Variants in CACNA1B observed in about 807,000 individuals in gnomAD.
The protein encoded by CACNA1B is calcium voltage-gated channel subunit alpha1 B.
In CACNA1B, 70 loss-of-function variants were observed where a neutral mutation model predicts 247.2. The observed-to-expected ratio is 0.28, with a 90% CI of 0.23 to 0.35. The LOEUF is 0.35. Among genes scored for constraint, CACNA1B ranks in the 10% least tolerant of loss-of-function variants. CACNA1B has a pLI of 1.00. For synonymous variants in CACNA1B, 1,231 were observed against 1,294.4 expected, an observed-to-expected ratio of 0.95 and a Z score of 1.05; for missense variants, 2,367 against 3,197.4, an observed-to-expected ratio of 0.74 and a Z score of 6.26.
Position 137,957,494 on chromosome 9 carries a change from G to A in CACNA1B, c.1244-104G>A, listed in dbSNP as rs555900465. On this transcript the variant is annotated intron_variant, in intron 9 of 46. Coordinates refer to ENST00000371372, the MANE Select transcript of CACNA1B (RefSeq NM_000718.4). This position sits in a 1 kb window ranked among gnomAD's most constrained non-coding sequence, Gnocchi z 4.7. The stretch of plus-strand genomic sequence containing the variant: ...GCCCCAGTTCAGGACAGGAGCTCAG[G>A]AGAGGTCACTGGTCCCAGGGGGAGG... 1 of 749,284 alleles carries A rather than the reference G, an allele frequency of 1.3e-6. No individual in the cohort carries two copies. Among genetic ancestry groups the A allele is most frequent in the South Asian group, 2.1e-5 (1 of 47,418 alleles). The allele number at this position is 749,284 out of a possible 1,614,324, so 46.4% of individuals were successfully genotyped here.
chr9:138,062,383 T>A (rs563053444), intron 31 of CACNA1B, among the ~76,000 whole-genome samples: 1 of 151,676 alleles, frequency 6.6e-6, no homozygotes, highest in African/African-American at 2.4e-5. Flanking sequence ...ATGGCGGGAG[T>A]GAGGTGAGGA....
rs1246183596 is a variant in CACNA1B, at chr9:137,986,894, C to G, written c.1974+40C>G. The G allele has an allele frequency of 6.8e-7, 1 of 1,467,162 alleles. No homozygotes were observed. The highest frequency in any genetic ancestry group is 2.3e-5 in the East Asian group (1 of 44,078). The allele number at this position is 1,467,162 out of a possible 1,614,324, so 90.9% of individuals were successfully genotyped here. ...CTGCACATTTGCGGCCTGCCCGGCT[C>G]CCGTCTCCCCTGGGTGCTGGGAAGG... On this transcript the variant is annotated intron_variant, in intron 15 of 46. Transcript: ENST00000371372. The surrounding 1 kb of genome is among the most constrained non-coding windows in gnomAD (Gnocchi z 6.0).
intron 39 of CACNA1B, among the ~76,000 whole-genome samples, chr9:138,106,829 C>G (rs1564289246): frequency 6.6e-6 from 1 of 152,170 alleles, no homozygotes; most frequent in African/African-American, 2.4e-5. Context: ...TAATGCCCTG[C>G]TCTTGAGAGG....
Position 138,012,580 on chromosome 9 carries a change from G to A in CACNA1B, c.2161-549G>A, listed in dbSNP as rs1330500474. ...TTAAAAAAATTTAGCCAGTCGTGAT[G>A]ACACGTGCTTGGAGTCCCAGCTGCA... On this transcript the variant is annotated intron_variant, in intron 17 of 46. Transcript: ENST00000371372. The surrounding 1 kb of genome is among the most constrained non-coding windows in gnomAD (Gnocchi z 4.2). Among the ~76,000 whole-genome samples, 2 of 151,994 alleles carry A rather than the reference G, an allele frequency of 1.3e-5. No individual in the cohort carries two copies. The highest frequency in any genetic ancestry group is 4.8e-5 in the African/African-American group (2 of 41,386).
rs1477588059 is a variant in CACNA1B at position 138,118,731 on chromosome 9, G to A, written c.5993G>A (p.Arg1998Gln). The A allele has an allele frequency of 6.5e-6, 10 of 1,549,938 alleles. No homozygotes were observed. The highest frequency in any genetic ancestry group is 7.9e-6 in the Non-Finnish European group (9 of 1,145,782). Residue 1998 changes from arginine (R) to glutamine (Q), a missense_variant, in exon 44 of 47, where the codon CGA (arginine) becomes CAA (glutamine). Physicochemically the swap from Arg to Gln is conservative, Grantham distance 43. Around this residue, in one of 12 missense-constraint regions of CACNA1B, gnomAD observed 773 missense variants for 779.4 expected, o/e 0.99. Coordinates refer to ENST00000371372, the MANE Select transcript of CACNA1B (RefSeq NM_000718.4). ...CAGCCTGGGCTGGAGAGCCAGGGTC[G>A]AGCGGCCTCCATGCCCCGCCTTGCG... The part of the protein sequence containing the change: ...EPQPGLESQG[R>Q]AASMPRLAAE...
rs544151740 is a variant in CACNA1B at position 137,877,818 on chromosome 9, C to T, written c.-116C>T. 5.1e-3 allele frequency: 2,455 copies of T among 483,326 alleles called. 7 individuals are homozygous for T. The highest frequency in any genetic ancestry group is 5.8e-3 in the Non-Finnish European group (2,153 of 371,580). The allele number at this position is 483,326 out of a possible 1,614,324, so 29.9% of individuals were successfully genotyped here. A position where few individuals can be genotyped will look rare whatever the true frequency, so the allele number is the denominator to read the frequency against. ...CGGCGGCTGCGGCGGTGGGGCCGGG[C>T]GAGGTCCGCTGCGGTCCCGGCGGCT... On this transcript the variant is annotated 5_prime_UTR_variant, in exon 1 of 47. Transcript: ENST00000371372.
chr9:137,955,341 G>A lies in CACNA1B; in HGVS notation c.1071-357G>A, dbSNP rs1474637002. Among the ~76,000 whole-genome samples the A allele has an allele frequency of 6.6e-6, 1 of 152,206 alleles. No homozygotes were observed. Among genetic ancestry groups the A allele is most frequent in the Non-Finnish European group, 1.5e-5 (1 of 68,038 alleles). ...ACAGAGCCTGGCACAAGGGGAGGGA[G>A]GAGGCGCATGCCTAGGTTGCTGTAG... On this transcript the variant is annotated intron_variant, in intron 7 of 46. Transcript: ENST00000371372. The surrounding 1 kb of genome is among the most constrained non-coding windows in gnomAD (Gnocchi z 6.9).
intron 6 of CACNA1B, among the ~76,000 whole-genome samples, chr9:137,931,244 C>T (rs372495536): frequency 1.4e-4 from 21 of 151,326 alleles, no homozygotes; most frequent in South Asian, 2.1e-4. Flanking sequence ...CTCGCGTAAA[C>T]GGCTCAAGAG....
chr9:137,907,916 A>G (rs1402963901), intron 3 of CACNA1B, among the ~76,000 whole-genome samples: 3 of 152,170 alleles, frequency 2.0e-5, no homozygotes, highest in Non-Finnish European at 4.4e-5. Context: ...GTTTTCCAAC[A>G]TCATTTGGCG....
chr9:137,960,223 G>C (rs1395776667), intron 10 of CACNA1B, among the ~76,000 whole-genome samples: 1 of 139,662 alleles, frequency 7.2e-6, no homozygotes, highest in South Asian at 2.4e-4. Context: ...AAGGTCGGCC[G>C]GAGGGAAGCC....
At position 137,914,881 on chromosome 9, in the gene CACNA1B, G is replaced by T; in HGVS notation, c.775+75G>T. On this transcript the variant is annotated intron_variant, in intron 5 of 46. Transcript: ENST00000371372. The surrounding 1 kb of genome is among the most constrained non-coding windows in gnomAD (Gnocchi z 4.3). ...CATCCAGGAGATGGGCACTGTTCTA[G>T]GTGCTAGAGGGGCCTTCTTGGTGCC... 1 of 1,507,512 alleles carries T rather than the reference G, an allele frequency of 6.6e-7. No homozygotes were observed. The highest frequency in any genetic ancestry group is 1.4e-5 in the African/African-American group (1 of 72,756). 93.4% of individuals were successfully genotyped at this position (1,507,512 alleles called of 1,614,324 possible).
chr9:137,938,624 C>T (rs1445781919), intron 6 of CACNA1B, among the ~76,000 whole-genome samples: 1 of 152,054 alleles, frequency 6.6e-6, no homozygotes, highest in Non-Finnish European at 1.5e-5. Flanking sequence ...TCAGACAAAA[C>T]AAACTTTAAA....
chr9:138,120,207 C>G lies in CACNA1B; in HGVS notation c.6073C>G (p.Leu2025Val). Residue 2025 changes from leucine to valine, a missense_variant, in exon 45 of 47, where the codon CTG becomes GTG. Around this residue, in one of 12 missense-constraint regions of CACNA1B, gnomAD observed 773 missense variants for 779.4 expected, o/e 0.99. Coordinates refer to ENST00000371372, the MANE Select transcript of CACNA1B (RefSeq NM_000718.4). The part of the protein sequence containing the change: ...ASPMKRSIST[L>V]AQRPRGTHLC... ...CCCCATGAAGCGCTCCATCTCCACG[C>G]TGGCCCAGCGGCCCCGTGGGACTCA... 3 of 1,608,934 alleles carry G rather than the reference C, an allele frequency of 1.9e-6. No individual in the cohort carries two copies. The highest frequency in any genetic ancestry group is 2.5e-6 in the Non-Finnish European group (3 of 1,178,324).
intron 36 of CACNA1B, among the ~76,000 whole-genome samples, chr9:138,079,374 C>A (rs1159675164): frequency 6.6e-6 from 1 of 152,008 alleles, no homozygotes; most frequent in African/African-American, 2.4e-5. Context: ...AGGTGGAGAA[C>A]CAGGAGTGGG....
intron 3 of CACNA1B, chr9:137,892,041 T>C (rs1324892468): frequency 4.4e-6 from 2 of 457,122 alleles, no homozygotes; most frequent in African/African-American, 4.0e-5. Context: ...CTCTGTGTCT[T>C]CTCCACTCCC....
intron 31 of CACNA1B, among the ~76,000 whole-genome samples, chr9:138,068,017 G>A (rs2313117): frequency 1.3e-5 from 2 of 152,292 alleles, no homozygotes; most frequent in South Asian, 2.1e-4. Flanking sequence ...AGCTTTGGGG[G>A]GTTTCTGTGT....
At position 138,025,168 on chromosome 9, in the gene CACNA1B, T is replaced by A. The variant is rs371172407; in HGVS notation, c.3282T>A (p.Val1094=). The A allele has an allele frequency of 2.5e-6, 4 of 1,602,732 alleles. No homozygotes were observed. The highest frequency in any genetic ancestry group is 1.7e-6 in the Non-Finnish European group (2 of 1,172,808). The part of the protein sequence containing the change: ...LTGPLGEATV[V]PSGNVDLESQ... Reference sequence around the variant, plus strand: ...GCCCTCTTGGGGAAGCCACGGTCGTTCCCAGTGAGTATCTCCCTGTGCCAG... The same window carrying A: ...GCCCTCTTGGGGAAGCCACGGTCGTACCCAGTGAGTATCTCCCTGTGCCAG... Residue 1094 remains valine (V), a synonymous_variant, in exon 20 of 47, where the codon GTT becomes GTA. Transcript: ENST00000371372.
intron 31 of CACNA1B, among the ~76,000 whole-genome samples, chr9:138,061,126 G>A (rs928869339): frequency 6.6e-6 from 1 of 152,222 alleles, no homozygotes; most frequent in African/African-American, 2.4e-5. Flanking sequence ...AAGGCCCAGT[G>A]AAGCCCCTGA....
intron 3 of CACNA1B, among the ~76,000 whole-genome samples, chr9:137,898,849 T>G (rs1189645345): frequency 6.6e-6 from 1 of 151,844 alleles, no homozygotes; most frequent in African/African-American, 2.4e-5. Flanking sequence ...GCCCACTTAA[T>G]TTTTTGTATT....
Sources: gnomAD v4.1 joint callset for allele counts (sites outside exome capture counted in the v4.1 genomes callset) on GRCh38, gnomAD v4.1.1 for gene constraint, gnomAD v4.1.1 regional missense constraint, Gnocchi (gnomAD v3.1) non-coding constraint, MANE v1.5 for transcripts, NCBI Gene and HGNC (gene_info 2026-07-23, HGNC 2026-07-21) for gene names.